Variants in ANXA8 observed in about 807,000 individuals in gnomAD.
ANXA8 encodes annexin A8, also known as VAC-beta.
Under a neutral mutation model 26.8 loss-of-function variants are expected in ANXA8, and 9 were observed. The observed-to-expected ratio is 0.34, with a 90% CI of 0.20 to 0.59. The LOEUF is 0.59. ANXA8 is among the 20% of genes least tolerant of loss of function. The probability of loss-of-function intolerance (pLI) is 0.84; values close to 1 mark genes in which losing one functional copy is unlikely to be tolerated. For synonymous variants in ANXA8, 39 were observed against 94.8 expected (o/e 0.41, Z 3.42); for missense variants, 83 against 238.5 (o/e 0.35, Z 4.29).
At chr10:47,540,386 A>G in the ANXA8 span, among the ~76,000 whole-genome samples, 453 of 112,412 alleles carry the variant, frequency 4.0e-3, 1 homozygote, top group Non-Finnish European at 5.4e-3. Flanking sequence ...TGGTTCCCTA[A>G]CACCACACTT....
chr10:47,697,244 AT>A, the ANXA8 span, among the ~76,000 whole-genome samples: 3 of 152,258 alleles, frequency 2.0e-5, no homozygotes, highest in African/African-American at 7.2e-5. Context: ...TCACTTCACT[AT>A]ACCTTTATCT....
the ANXA8 span, among the ~76,000 whole-genome samples, chr10:47,982,801 C>CATATATATATATATATATATATATAT: frequency 1.5e-4 from 2 of 12,946 alleles, no homozygotes; most frequent in Admixed American, 1.1e-3. Flanking sequence ...ATTTGCAAAT[C>CATATATATATATATATATATATATAT]ATATATATAT....
At chr10:47,587,972 G>A in the ANXA8 span, among the ~76,000 whole-genome samples, 3 of 144,698 alleles carry the variant, frequency 2.1e-5, 1 homozygote, top group African/African-American at 8.6e-5. Context: ...TTTATCCCTC[G>A]AGCTGGCACA....
the ANXA8 span, among the ~76,000 whole-genome samples, chr10:47,896,904 T>TTTTTTTTATTTATTTATTTA: frequency 8.6e-3 from 1,247 of 145,670 alleles, no homozygotes; most frequent in African/African-American, 0.03. Context: ...AATGAAGAGA[T>TTTTTTTTATTTATTTATTTA]TTTATTTATT....
the ANXA8 span, among the ~76,000 whole-genome samples, chr10:47,693,160 T>A: frequency 6.6e-6 from 1 of 151,730 alleles, no homozygotes; most frequent in African/African-American, 2.4e-5. Context: ...AAAGAAAGAA[T>A]GTGATACAGA....
intron 1 of ANXA8, among the ~76,000 whole-genome samples, chr10:47,480,894 A>G (rs1839755956): frequency 2.9e-5 from 4 of 139,244 alleles, no homozygotes; most frequent in African/African-American, 1.0e-4. Flanking sequence ...CCATCCATCC[A>G]TCCATCCATC....
At chr10:47,979,494 G>A in the ANXA8 span, among the ~76,000 whole-genome samples, 1 of 151,566 alleles carries the variant, frequency 6.6e-6, no homozygotes, top group Non-Finnish European at 1.5e-5. Flanking sequence ...GGGCTTTGCA[G>A]ATATGATTAA....
the ANXA8 span, among the ~76,000 whole-genome samples, chr10:47,974,462 CTCTAGTTCT>C: frequency 6.8e-6 from 1 of 148,110 alleles, no homozygotes; most frequent in Non-Finnish European, 1.5e-5. Flanking sequence ...TGCTCTTTTT[CTCTAGTTCT>C]TCTAGGTGCA....
At chr10:47,492,651 C>T in the ANXA8 span, among the ~76,000 whole-genome samples, 4 of 137,800 alleles carry the variant, frequency 2.9e-5, no homozygotes, top group Non-Finnish European at 6.1e-5. Context: ...CCTAATCATC[C>T]CTGAGGCAAA....
the ANXA8 span, among the ~76,000 whole-genome samples, chr10:47,967,939 G>A: frequency 8.4e-6 from 1 of 119,414 alleles, no homozygotes; most frequent in Non-Finnish European, 1.9e-5. Flanking sequence ...GTCATGATCA[G>A]ACTATTACAT....
At chr10:47,480,908 C>G (rs1839758093) in intron 1 of ANXA8, among the ~76,000 whole-genome samples, 1 of 121,676 alleles carries the variant, frequency 8.2e-6, no homozygotes, top group Non-Finnish European at 1.8e-5. Flanking sequence ...ATCCATCCAT[C>G]GAAGCCCTGG....
the ANXA8 span, among the ~76,000 whole-genome samples, chr10:47,511,138 T>A: frequency 2.3e-5 from 3 of 131,700 alleles, 1 homozygote; most frequent in Non-Finnish European, 4.7e-5. Flanking sequence ...AGAGACGGGG[T>A]TTCACCGTGT....
the ANXA8 span, among the ~76,000 whole-genome samples, chr10:47,553,100 G>A: frequency 1.3e-5 from 2 of 152,008 alleles, no homozygotes; most frequent in African/African-American, 2.4e-5. Flanking sequence ...TGTGATTTCA[G>A]AGGTTATATT....
chr10:47,755,464 C>T, the ANXA8 span, among the ~76,000 whole-genome samples: 1 of 151,648 alleles, frequency 6.6e-6, no homozygotes, highest in African/African-American at 2.4e-5. Flanking sequence ...ACTGTGTTAG[C>T]CAGGATGGTC....
chr10:47,986,052 CT>C, the ANXA8 span: 2 of 151,196 alleles, frequency 1.3e-5, no homozygotes, highest in African/African-American at 4.9e-5. Context: ...CTATTTTCAT[CT>C]TTTCAGAAGT....
chr10:47,748,288 G>A, the ANXA8 span, among the ~76,000 whole-genome samples: 1 of 138,076 alleles, frequency 7.2e-6, no homozygotes, highest in African/African-American at 2.6e-5. Context: ...TCAGCTCACT[G>A]CAACCTCTGC....
the ANXA8 span, among the ~76,000 whole-genome samples, chr10:47,493,481 C>A: frequency 1.4e-5 from 2 of 147,812 alleles, no homozygotes; most frequent in Admixed American, 6.7e-5. Context: ...GTGTGTCCCC[C>A]CACTCACACA....
At chr10:47,496,723 A>C in the ANXA8 span, among the ~76,000 whole-genome samples, 1 of 148,016 alleles carries the variant, frequency 6.8e-6, no homozygotes, top group African/African-American at 2.5e-5. Context: ...TTGAACCAGT[A>C]CTGATCAGTA....
chr10:47,743,395 T>A, the ANXA8 span, among the ~76,000 whole-genome samples: 1 of 109,968 alleles, frequency 9.1e-6, no homozygotes, highest in African/African-American at 3.5e-5. Flanking sequence ...TGTGTGTGTG[T>A]GTGTGTGTGT....
Sources: allele counts gnomAD v4.1 joint callset (sites outside exome capture counted in the v4.1 genomes callset), GRCh38; gene constraint gnomAD v4.1.1; transcripts MANE v1.5; gene names NCBI Gene and HGNC (gene_info 2026-07-23, HGNC 2026-07-21).